Variants in RASAL1 observed in about 807,000 individuals in gnomAD.
RASAL1 encodes the protein RAS protein activator like 1, also known as rasGAP-activating-like protein 1.
In RASAL1, 72 loss-of-function variants were observed where a neutral mutation model predicts 96.6. That is an observed-to-expected ratio of 0.75 (90% CI 0.62 to 0.91). The LOEUF (loss-of-function observed/expected upper bound fraction) is 0.91. Among genes scored for constraint, RASAL1 ranks in the 40% least tolerant of loss-of-function variants. The probability of loss-of-function intolerance (pLI) is 0.00; values close to 1 mark genes in which losing one functional copy is unlikely to be tolerated. For missense variants in RASAL1, 1,016 were observed against 1,072.5 expected, an observed-to-expected ratio of 0.95 and a Z score of 0.74; for synonymous variants, 405 against 430.4, an observed-to-expected ratio of 0.94 and a Z score of 0.73.
At position 113,099,300 on chromosome 12, in the gene RASAL1, T is replaced by A. The variant is rs1221378109; in HGVS notation, c.*629A>T. ...ATCTAGACTTTCCCTCCTCTTTTTATACAGGGTAATCTGAGACCCAGAGAG... is the reference window on the plus strand; with the variant it reads ...ATCTAGACTTTCCCTCCTCTTTTTAAACAGGGTAATCTGAGACCCAGAGAG... On this transcript the variant is annotated 3_prime_UTR_variant, in exon 21 of 21. Coordinates refer to ENST00000548055, the MANE Select transcript of RASAL1 (RefSeq NM_001301202.2). 2 of 152,208 alleles carry A rather than the reference T, an allele frequency of 1.3e-5. No individual in the cohort carries two copies. The highest frequency in any genetic ancestry group is 4.8e-5 in the African/African-American group (2 of 41,450). 9.4% of individuals were successfully genotyped at this position (152,208 alleles called of 1,614,324 possible).
At position 113,100,669 on chromosome 12, in the gene RASAL1, A is replaced by C. The variant is rs754910749; in HGVS notation, c.2237T>G (p.Leu746Arg). 1 of 1,609,688 alleles carries C rather than the reference A, an allele frequency of 6.2e-7. No individual in the cohort carries two copies. Among genetic ancestry groups the C allele is most frequent in the Non-Finnish European group, 8.5e-7 (1 of 1,176,608 alleles). ...AGTTGTATCCATGTTAGAATCCTCC[A>C]GTAATTTCAGCCTGGAAGGTAAGAG... ...LGRDQLRLKLLEDSNMDTTLE... is the reference protein window; with the variant it reads ...LGRDQLRLKLREDSNMDTTLE... The change falls in exon 20 of 21, where the codon CTG becomes CGG. Residue 746 changes from leucine to arginine, a missense_variant. Leu to Arg is a moderately radical substitution (Grantham distance 102). Coordinates refer to ENST00000548055, the MANE Select transcript of RASAL1 (RefSeq NM_001301202.2).
At chr12:113,125,435 C>T (rs1470012415) in intron 4 of RASAL1, among the ~76,000 whole-genome samples, 1 of 152,212 alleles carries the variant, frequency 6.6e-6, no homozygotes, top group East Asian at 1.9e-4. Context: ...GGGGGAAATT[C>T]ATGTATAATA....
chr12:113,108,861 G>A (rs1384725061), intron 13 of RASAL1, among the ~76,000 whole-genome samples: 1 of 136,098 alleles, frequency 7.3e-6, no homozygotes, highest in East Asian at 2.1e-4. Flanking sequence ...TTGAGGCAGA[G>A]TCTTGCTCTG....
At position 113,099,869 on chromosome 12, in the gene RASAL1, A is replaced by T; in HGVS notation, c.*60T>A. The T allele has an allele frequency of 2.6e-6, 4 of 1,559,542 alleles. No homozygotes were observed. Among genetic ancestry groups the T allele is most frequent in the Non-Finnish European group, 3.5e-6 (4 of 1,149,406 alleles). Reference sequence around the variant, plus strand: ...GGAGACAGGAGACTCCCGGGGCAGGATGCGCTGAAGAGGGCCCCCTGGCTC... The same window carrying T: ...GGAGACAGGAGACTCCCGGGGCAGGTTGCGCTGAAGAGGGCCCCCTGGCTC... On this transcript the variant is annotated 3_prime_UTR_variant, in exon 21 of 21. Coordinates refer to ENST00000548055, the MANE Select transcript of RASAL1 (RefSeq NM_001301202.2).
intron 8 of RASAL1, among the ~76,000 whole-genome samples, chr12:113,116,854 A>G (rs1951105858): frequency 6.6e-6 from 1 of 152,260 alleles, no homozygotes; most frequent in Admixed American, 6.5e-5. Flanking sequence ...TCAAGTGTGA[A>G]CCAACATGTT....
At chr12:113,118,035 C>G (rs571218571) in intron 7 of RASAL1, among the ~76,000 whole-genome samples, 2 of 152,162 alleles carry the variant, frequency 1.3e-5, no homozygotes, top group Admixed American at 1.3e-4. Context: ...ACCAGCCTGA[C>G]CAACATGATG....
chr12:113,109,428 T>A (rs1399484478), intron 13 of RASAL1, among the ~76,000 whole-genome samples: 3 of 152,114 alleles, frequency 2.0e-5, no homozygotes, highest in Non-Finnish European at 4.4e-5. Context: ...ACCTCTGCCC[T>A]CTACAAACTG....
At chr12:113,104,102 T>C (rs1486281267) in intron 17 of RASAL1, 21 bp from the exon 18 acceptor site, 4 of 1,286,690 alleles carry the variant, frequency 3.1e-6, no homozygotes, top group African/African-American at 3.1e-5. Flanking sequence ...TGGGAGGCGA[T>C]CAGGGGGCGG....
rs768655166 is a variant in RASAL1, at chr12:113,108,108, G to A, written c.1489C>T (p.Arg497Cys). 12 of 1,612,880 alleles carry A rather than the reference G, an allele frequency of 7.4e-6. No individual in the cohort carries two copies. Among genetic ancestry groups the A allele is most frequent in the South Asian group, 3.3e-5 (3 of 90,838 alleles). The part of the protein sequence containing the change: ...RDQHADPQTS[R>C]SLLLLAKAVQ... The stretch of plus-strand genomic sequence containing the variant: ...ACCTTGGCAAGCAACAGCAGTGAGC[G>A]GCTAGTCTGGGGGTCCGCGTGTTGG... Residue 497 changes from arginine to cysteine, a missense_variant, in exon 14 of 21, where the codon CGC (arginine) becomes TGC (cysteine). Transcript: ENST00000548055.
intron 1 of RASAL1, among the ~76,000 whole-genome samples, chr12:113,133,190 G>A (rs1951783085): frequency 6.6e-6 from 1 of 152,246 alleles, no homozygotes; most frequent in South Asian, 2.1e-4. Context: ...TCTGACGCAT[G>A]AGGGCCTTAT....
At chr12:113,121,841 C>G (rs921574055) in intron 4 of RASAL1, among the ~76,000 whole-genome samples, 1 of 152,026 alleles carries the variant, frequency 6.6e-6, no homozygotes, top group Non-Finnish European at 1.5e-5. Context: ...CCTGCCTCAC[C>G]CTCCCGACCA....
chr12:113,101,753 C>G, intron 19 of RASAL1, 136 bp downstream of exon 19: 1 of 1,178,592 alleles, frequency 8.5e-7, no homozygotes, highest in Non-Finnish European at 1.1e-6. Context: ...CACCCAGTCC[C>G]CACCCTGGGC....
intron 14 of RASAL1, chr12:113,107,588 A>G (rs736285): frequency 0.77 from 370,958 of 481,286 alleles, 143,427 homozygotes; most frequent in Admixed American, 0.84. Flanking sequence ...GTGCCACTGC[A>G]CTCCAGCCTG....
chr12:113,119,627 C>T (rs1951215284), intron 5 of RASAL1, among the ~76,000 whole-genome samples, 184 bp from the exon 6 acceptor site: 1 of 152,172 alleles, frequency 6.6e-6, no homozygotes, highest in Admixed American at 6.5e-5. Flanking sequence ...TGTCACCACC[C>T]TATGGGGAGG....
intron 5 of RASAL1, among the ~76,000 whole-genome samples, chr12:113,121,281 C>T (rs147442333): frequency 7.9e-4 from 120 of 152,320 alleles, no homozygotes; most frequent in African/African-American, 2.5e-3. Flanking sequence ...ACCTGTCATC[C>T]TGAGTGTCTG....
At chr12:113,107,021 G>C in intron 15 of RASAL1, 76 bp downstream of exon 15, 1 of 1,447,530 alleles carries the variant, frequency 6.9e-7, no homozygotes, top group Non-Finnish European at 9.4e-7. Flanking sequence ...AGGAGCTGGA[G>C]GGGGAAAGGG....
intron 14 of RASAL1, chr12:113,107,513 C>T: frequency 1.8e-6 from 1 of 562,940 alleles, no homozygotes; most frequent in East Asian, 4.2e-5. Flanking sequence ...AATCCAGCTA[C>T]TCCAGAAGCT....
In RASAL1 at chr12:113,114,473, CAAA is replaced by C. The variant is rs35235298; in HGVS notation, c.1181+324_1181+326del. Reference sequence around the variant, plus strand: ...TGGGTGACAGAGTAAAACCTTGTCTCAAAAAAAAAAAAAAAAGAAAAAAAGGAA... The same window carrying C: ...TGGGTGACAGAGTAAAACCTTGTCTCAAAAAAAAAAAAAGAAAAAAAGGAA... On this transcript the variant is annotated intron_variant, in intron 12 of 20. Transcript: ENST00000548055. 3.7e-4 allele frequency among the ~76,000 whole-genome samples: 52 copies of C among 138,732 alleles called. 1 individual carries two copies. Among genetic ancestry groups the C allele is most frequent in the Admixed American group, 7.8e-4 (11 of 14,084 alleles). 91.0% of individuals were successfully genotyped at this position (138,732 alleles called of 152,430 possible).
intron 12 of RASAL1, among the ~76,000 whole-genome samples, chr12:113,114,405 T>C (rs1052268386): frequency 2.0e-5 from 3 of 150,590 alleles, no homozygotes; most frequent in South Asian, 2.1e-4. Flanking sequence ...GCCCGGGAAG[T>C]TGACGCTGCA....
Sources: allele counts gnomAD v4.1 joint callset (sites outside exome capture counted in the v4.1 genomes callset), GRCh38; gene constraint gnomAD v4.1.1; transcripts MANE v1.5; gene names NCBI Gene and HGNC (gene_info 2026-07-23, HGNC 2026-07-21).